The following SPMIP2 variants were observed in gnomAD, a reference collection of about 807,000 sequenced individuals.
SPMIP2 encodes the protein protein SPMIP2.
the SPMIP2 span, among the ~76,000 whole-genome samples, chr4:158,908,845 A>C: frequency 1.5e-4 from 23 of 151,906 alleles, no homozygotes; most frequent in Non-Finnish European, 4.4e-5. Context: ...CGCCACCACA[A>C]CTGGCCAATT....
chr4:159,034,994 T>C, the SPMIP2 span: 1 of 1,511,996 alleles, frequency 6.6e-7, no homozygotes, highest in Non-Finnish European at 9.1e-7. Context: ...AAAAGCAAAT[T>C]TAGATCTCCT....
the SPMIP2 span, among the ~76,000 whole-genome samples, chr4:158,920,238 T>A: frequency 2.0e-5 from 3 of 152,194 alleles, no homozygotes; most frequent in Non-Finnish European, 2.9e-5. Context: ...GTTAACTGTA[T>A]AAATTGATTG....
At chr4:158,982,743 T>C in the SPMIP2 span, among the ~76,000 whole-genome samples, 2 of 152,226 alleles carry the variant, frequency 1.3e-5, no homozygotes, top group African/African-American at 4.8e-5. Flanking sequence ...GGGAAATTTA[T>C]AGAGTAAATG....
chr4:159,037,821 CACACACAT>C, the SPMIP2 span, among the ~76,000 whole-genome samples: 123 of 143,480 alleles, frequency 8.6e-4, 1 homozygote, highest in Middle Eastern at 0.014. Context: ...CACACACACA[CACACACAT>C]ATATATATGT....
the SPMIP2 span, among the ~76,000 whole-genome samples, chr4:158,989,838 A>G: frequency 6.6e-6 from 1 of 152,236 alleles, no homozygotes; most frequent in South Asian, 2.1e-4. Flanking sequence ...CTTCATGACT[A>G]AAACACCAAA....
At chr4:158,957,060 T>G in the SPMIP2 span, among the ~76,000 whole-genome samples, 4 of 151,930 alleles carry the variant, frequency 2.6e-5, no homozygotes, top group African/African-American at 9.7e-5. Flanking sequence ...GTCTCCCCAG[T>G]AACTGAGATT....
At chr4:159,039,260 C>G in the SPMIP2 span, among the ~76,000 whole-genome samples, 1 of 152,134 alleles carries the variant, frequency 6.6e-6, no homozygotes, top group Non-Finnish European at 1.5e-5. Flanking sequence ...TTTAAACGAG[C>G]AGACACTGGT....
chr4:159,071,259 G>A, the SPMIP2 span, among the ~76,000 whole-genome samples: 1 of 152,164 alleles, frequency 6.6e-6, no homozygotes, highest in Non-Finnish European at 1.5e-5. Flanking sequence ...AGTAGTTGTT[G>A]TTAGAATAAT....
chr4:158,934,421 C>T, the SPMIP2 span, among the ~76,000 whole-genome samples: 9 of 152,098 alleles, frequency 5.9e-5, no homozygotes, highest in Admixed American at 5.2e-4. Context: ...AAGATCGTGC[C>T]ACTGCACTCC....
the SPMIP2 span, among the ~76,000 whole-genome samples, chr4:158,976,691 A>G: frequency 1.7e-5 from 2 of 115,716 alleles, no homozygotes; most frequent in East Asian, 4.8e-4. Flanking sequence ...TTTGAGACAG[A>G]GTCTCGCTCT....
the SPMIP2 span, among the ~76,000 whole-genome samples, chr4:159,023,289 G>T: frequency 6.6e-6 from 1 of 152,050 alleles, no homozygotes; most frequent in African/African-American, 2.4e-5. Flanking sequence ...GCCAAAAAGT[G>T]GAAAAATGGC....
the SPMIP2 span, among the ~76,000 whole-genome samples, chr4:158,947,655 G>A: frequency 6.6e-5 from 10 of 152,100 alleles, no homozygotes; most frequent in African/African-American, 2.4e-4. Context: ...AAAATGATCA[G>A]TATAAAGATT....
chr4:159,030,124 T>C, the SPMIP2 span, among the ~76,000 whole-genome samples: 6 of 152,062 alleles, frequency 3.9e-5, no homozygotes, highest in African/African-American at 7.2e-5. Flanking sequence ...AATAAAAGAA[T>C]AGTGTTGGCT....
the SPMIP2 span, among the ~76,000 whole-genome samples, chr4:159,052,525 G>A: frequency 6.6e-6 from 1 of 152,138 alleles, no homozygotes; most frequent in African/African-American, 2.4e-5. Flanking sequence ...TTTGTGGTTG[G>A]AACTTGATTC....
the SPMIP2 span, among the ~76,000 whole-genome samples, chr4:158,981,747 A>C: frequency 6.7e-6 from 1 of 148,962 alleles, no homozygotes; most frequent in South Asian, 2.1e-4. Flanking sequence ...AGCCACTGCA[A>C]AAACATACCA....
the SPMIP2 span, among the ~76,000 whole-genome samples, chr4:159,023,963 AG>A: frequency 6.6e-6 from 1 of 152,162 alleles, no homozygotes; most frequent in Non-Finnish European, 1.5e-5. Context: ...AGCTACAGTT[AG>A]GTATCATCCT....
chr4:159,001,980 C>T, the SPMIP2 span, among the ~76,000 whole-genome samples: 1 of 152,192 alleles, frequency 6.6e-6, no homozygotes, highest in Non-Finnish European at 1.5e-5. Flanking sequence ...CTTTGCTCTG[C>T]ATCCTCGCCA....
the SPMIP2 span, among the ~76,000 whole-genome samples, chr4:159,055,260 A>T: frequency 6.6e-6 from 1 of 152,202 alleles, no homozygotes; most frequent in Admixed American, 6.5e-5. Context: ...AGGGTGCTCT[A>T]TAAGTGTTTG....
At chr4:158,982,007 G>A in the SPMIP2 span, among the ~76,000 whole-genome samples, 1 of 151,960 alleles carries the variant, frequency 6.6e-6, no homozygotes, top group Admixed American at 6.6e-5. Flanking sequence ...ACACAAATAG[G>A]CTCAAAATAA....
Sources: gnomAD v4.1 joint callset for allele counts (sites outside exome capture counted in the v4.1 genomes callset) on GRCh38, gnomAD v4.1.1 for gene constraint, MANE v1.5 for transcripts, NCBI Gene and HGNC (gene_info 2026-07-23, HGNC 2026-07-21) for gene names.